The following FAM193A variants were observed in gnomAD, a reference collection of about 807,000 sequenced individuals.
FAM193A encodes the protein family with sequence similarity 193 member A, also known as protein FAM193A.
FAM193A carries 22 observed loss-of-function variants against 126.5 expected under a neutral mutation model. The observed-to-expected ratio is 0.17, with a 90% CI of 0.12 to 0.25. The LOEUF is 0.25. FAM193A is among the 10% of genes least tolerant of loss of function. The pLI, the probability that FAM193A is intolerant of heterozygous loss-of-function variation, is 1.00. For synonymous variants in FAM193A, 761 were observed against 646.8 expected, an observed-to-expected ratio of 1.18 and a Z score of -2.68; for missense variants, 1,675 against 1,672.8, an observed-to-expected ratio of 1.00 and a Z score of -0.02.
intron 13 of FAM193A, among the ~76,000 whole-genome samples, chr4:2,684,084 G>GC (rs1339706121): frequency 2.6e-5 from 4 of 152,142 alleles, no homozygotes; most frequent in Non-Finnish European, 5.9e-5. Context: ...AGAGCCTTTG[G>GC]CCTACCAATC....
At chr4:2,676,898 G>A (rs138064355) in intron 13 of FAM193A, among the ~76,000 whole-genome samples, 2,595 of 151,910 alleles carry the variant, frequency 0.017, 58 homozygotes, top group African/African-American at 0.05. Context: ...CCGAGATCAC[G>A]TCACTGCACT....
intron 1 of FAM193A, among the ~76,000 whole-genome samples, chr4:2,593,363 T>G (rs956424822): frequency 2.0e-5 from 3 of 152,100 alleles, no homozygotes; most frequent in Non-Finnish European, 4.4e-5. Flanking sequence ...CTCCTTCTGC[T>G]CTTGTCAGCC....
At chr4:2,628,279 G>C (rs536437003) in intron 4 of FAM193A, among the ~76,000 whole-genome samples, 7 of 152,316 alleles carry the variant, frequency 4.6e-5, no homozygotes, top group African/African-American at 1.7e-4. Context: ...ATTGAATTCA[G>C]CCAAGTATTT....
At chr4:2,625,546 T>C in intron 3 of FAM193A, 151 bp downstream of exon 3, 2 of 478,170 alleles carry the variant, frequency 4.2e-6, no homozygotes, top group Non-Finnish European at 7.5e-6. Context: ...ACCATATGAG[T>C]AAGACAAAAA....
intron 19 of FAM193A, among the ~76,000 whole-genome samples, chr4:2,709,492 C>T (rs1239920798): frequency 6.6e-6 from 1 of 152,068 alleles, no homozygotes; most frequent in African/African-American, 2.4e-5. Context: ...GTGCGGATCA[C>T]GAGGTCAGGC....
intron 6 of FAM193A, among the ~76,000 whole-genome samples, chr4:2,646,159 CTTTTTTTTTTT>C (rs568447182): frequency 2.9e-5 from 2 of 69,094 alleles, no homozygotes; most frequent in Non-Finnish European, 5.2e-5. Context: ...TGAGCATCTC[CTTTTTTTTTTT>C]TTTTTTTTTT....
chr4:2,540,451 G>C (rs1319548860), intron 1 of FAM193A, among the ~76,000 whole-genome samples: 1 of 151,636 alleles, frequency 6.6e-6, no homozygotes, highest in African/African-American at 2.4e-5. Flanking sequence ...CTGGGCGACA[G>C]AGCGAGACTC....
intron 8 of FAM193A, among the ~76,000 whole-genome samples, chr4:2,658,228 T>C (rs1172464746): frequency 1.3e-5 from 2 of 152,004 alleles, no homozygotes; most frequent in Non-Finnish European, 2.9e-5. Context: ...AGGAGGGTGT[T>C]AGGGTGAGGT....
chr4:2,635,566 A>G (rs1219627431), intron 5 of FAM193A, among the ~76,000 whole-genome samples: 2 of 152,088 alleles, frequency 1.3e-5, no homozygotes, highest in Admixed American at 1.3e-4. Flanking sequence ...AAAATAAAAC[A>G]TTGTTGCCCA....
intron 2 of FAM193A, among the ~76,000 whole-genome samples, chr4:2,606,339 C>A (rs78562048): frequency 7.2e-5 from 11 of 152,092 alleles, no homozygotes; most frequent in African/African-American, 2.7e-4. Flanking sequence ...CGTGAGCCAC[C>A]GCATCCGGCC....
In FAM193A at chr4:2,700,334, AGAGAG is replaced by A; in HGVS notation, c.4168_4172del (p.Glu1390LysfsTer5). ...CCTCATGTCCATCACAGAGCAGAAA[AGAGAG>A]GAGAGAAAAGTCAACAGTAATAACA... On this transcript the variant is annotated frameshift_variant, in exon 19 of 21. Coordinates refer to ENST00000637812, the MANE Select transcript of FAM193A (RefSeq NM_001366318.2). LOFTEE classifies it high-confidence loss of function. 6.2e-7 allele frequency: 1 copy of A among 1,614,072 alleles called. No individual in the cohort carries two copies.
intron 8 of FAM193A, among the ~76,000 whole-genome samples, chr4:2,658,441 G>A (rs1285862529): frequency 3.3e-5 from 5 of 152,132 alleles, no homozygotes; most frequent in Non-Finnish European, 7.4e-5. Flanking sequence ...GGCAGAGCTT[G>A]CTAGTGATGT....
chr4:2,675,261 G>C (rs1301922449), intron 13 of FAM193A, among the ~76,000 whole-genome samples: 4 of 152,152 alleles, frequency 2.6e-5, no homozygotes, highest in Admixed American at 2.0e-4. Context: ...ATGTCCAATT[G>C]ATTGATGGTG....
intron 19 of FAM193A, 68 bp downstream of exon 19, chr4:2,700,612 T>C (rs1560587770): frequency 6.5e-7 from 1 of 1,542,696 alleles, no homozygotes; most frequent in East Asian, 2.2e-5. Context: ...TGTGCTAGTA[T>C]AGGAAAACAC....
intron 20 of FAM193A, among the ~76,000 whole-genome samples, chr4:2,719,061 A>G (rs1270797849): frequency 6.6e-6 from 1 of 152,248 alleles, no homozygotes; most frequent in Non-Finnish European, 1.5e-5. Flanking sequence ...TCACACACAC[A>G]AGTGAATACT....
At chr4:2,571,235 G>A (rs1364071780) in intron 1 of FAM193A, among the ~76,000 whole-genome samples, 2 of 152,110 alleles carry the variant, frequency 1.3e-5, no homozygotes, top group Non-Finnish European at 2.9e-5. Context: ...AGGCCTTGTT[G>A]TGGGTCCTGA....
intron 8 of FAM193A, among the ~76,000 whole-genome samples, chr4:2,658,297 C>G (rs1005521587): frequency 6.6e-6 from 1 of 152,144 alleles, no homozygotes; most frequent in Admixed American, 6.5e-5. Context: ...CCAGACAGAG[C>G]GCTCAGATCT....
At chr4:2,646,908 G>T in intron 7 of FAM193A, 76 bp downstream of exon 7, 1 of 1,455,236 alleles carries the variant, frequency 6.9e-7, no homozygotes, top group South Asian at 1.4e-5. Flanking sequence ...CAAGTCACTA[G>T]CTTTGTCCTG....
At chr4:2,568,902 C>T (rs1460480360) in intron 1 of FAM193A, among the ~76,000 whole-genome samples, 1 of 149,224 alleles carries the variant, frequency 6.7e-6, no homozygotes, top group Non-Finnish European at 1.5e-5. Flanking sequence ...AGGATAAAGA[C>T]TTTAGATCAT....
Sources: allele counts gnomAD v4.1 joint callset (sites outside exome capture counted in the v4.1 genomes callset), GRCh38; gene constraint gnomAD v4.1.1; transcripts MANE v1.5; gene names NCBI Gene and HGNC (gene_info 2026-07-23, HGNC 2026-07-21).